The following DGKB variants were observed in gnomAD, a reference collection of about 807,000 sequenced individuals.
DGKB encodes 90 kDa diacylglycerol kinase.
A neutral mutation model predicts 114.3 loss-of-function variants in DGKB; 67 were observed. That is an observed-to-expected ratio of 0.59 (90% CI 0.48 to 0.72). The LOEUF (loss-of-function observed/expected upper bound fraction) is 0.72, where lower values mean the gene tolerates loss of function less well. Among genes scored for constraint, DGKB ranks in the 30% least tolerant of loss-of-function variants. The pLI, the probability that DGKB is intolerant of heterozygous loss-of-function variation, is 0.00. For synonymous variants in DGKB, 398 were observed against 323.1 expected, an observed-to-expected ratio of 1.23 and a Z score of -2.49; for missense variants, 907 against 975.2, an observed-to-expected ratio of 0.93 and a Z score of 0.93.
intron 21 of DGKB, among the ~76,000 whole-genome samples, chr7:14,430,564 C>T (rs569858336): frequency 6.6e-6 from 1 of 152,086 alleles, no homozygotes; most frequent in African/African-American, 2.4e-5. Context: ...TACAGAATCC[C>T]TCATGCCACA....
At chr7:14,285,451 A>C (rs1158267351) in intron 23 of DGKB, among the ~76,000 whole-genome samples, 1 of 152,192 alleles carries the variant, frequency 6.6e-6, no homozygotes, top group Non-Finnish European at 1.5e-5. Context: ...CATCTTTCTC[A>C]AGGCATTACA....
intron 23 of DGKB, among the ~76,000 whole-genome samples, chr7:14,307,930 T>C (rs975184006): frequency 4.6e-5 from 7 of 152,064 alleles, no homozygotes; most frequent in African/African-American, 1.4e-4. Flanking sequence ...CTAAAGATCT[T>C]ACTGGCTTAG....
chr7:14,785,875 T>G (rs1168598347), intron 2 of DGKB, among the ~76,000 whole-genome samples: 1 of 150,908 alleles, frequency 6.6e-6, no homozygotes, highest in East Asian at 1.9e-4. Flanking sequence ...TTTTCAGACA[T>G]TAAAGGAAGA....
intron 3 of DGKB, among the ~76,000 whole-genome samples, chr7:14,757,342 C>A (rs1562458063): frequency 6.6e-6 from 1 of 152,042 alleles, no homozygotes; most frequent in Non-Finnish European, 1.5e-5. Context: ...GATTCATATT[C>A]TTTCAAGCAT....
chr7:14,597,928 G>A (rs982550625), intron 17 of DGKB, among the ~76,000 whole-genome samples: 1 of 151,990 alleles, frequency 6.6e-6, no homozygotes, highest in African/African-American at 2.4e-5. Context: ...TAATTTATGT[G>A]AGCAATCAAT....
At chr7:14,181,149 T>A (rs1782578364) in intron 23 of DGKB, among the ~76,000 whole-genome samples, 1 of 152,190 alleles carries the variant, frequency 6.6e-6, no homozygotes, top group Non-Finnish European at 1.5e-5. Context: ...CACAGCCACA[T>A]TCACTGGTTT....
chr7:14,305,428 A>G (rs1046533912), intron 23 of DGKB, among the ~76,000 whole-genome samples: 8 of 152,256 alleles, frequency 5.3e-5, no homozygotes, highest in Admixed American at 3.9e-4. Flanking sequence ...TATTAAATAA[A>G]GGTCTAACAC....
At chr7:14,582,373 T>C (rs549198754) in intron 18 of DGKB, among the ~76,000 whole-genome samples, 2 of 152,154 alleles carry the variant, frequency 1.3e-5, no homozygotes, top group Non-Finnish European at 2.9e-5. Flanking sequence ...CTCAGTGATG[T>C]TCCTGTATTA....
At chr7:14,279,722 C>G (rs929834633) in intron 23 of DGKB, among the ~76,000 whole-genome samples, 8 of 151,910 alleles carry the variant, frequency 5.3e-5, no homozygotes, top group Non-Finnish European at 1.0e-4. Context: ...AGCAGCCTAA[C>G]TGGGAGGCAC....
chr7:14,634,423 T>C (rs1810336923), intron 13 of DGKB, among the ~76,000 whole-genome samples: 1 of 151,118 alleles, frequency 6.6e-6, no homozygotes. Flanking sequence ...AATAAAATTA[T>C]TTTAAAATAT....
chr7:14,469,500 A>G (rs1584185700), intron 21 of DGKB, among the ~76,000 whole-genome samples: 1 of 152,074 alleles, frequency 6.6e-6, no homozygotes, highest in African/African-American at 2.4e-5. Flanking sequence ...TCCCTTCTTT[A>G]TTCATCCTCC....
intron 23 of DGKB, among the ~76,000 whole-genome samples, chr7:14,276,355 A>T (rs1798987409): frequency 6.6e-6 from 1 of 152,200 alleles, no homozygotes; most frequent in African/African-American, 2.4e-5. Flanking sequence ...TTCTTTCAAA[A>T]AGTATTTTCT....
At chr7:14,819,519 G>A (rs10269735) in intron 2 of DGKB, among the ~76,000 whole-genome samples, 57 of 152,236 alleles carry the variant, frequency 3.7e-4, no homozygotes, top group African/African-American at 1.3e-3. Context: ...GAGCCTGGGA[G>A]GCGGAGGTTG....
At chr7:14,442,083 C>T (rs1266984968) in intron 21 of DGKB, among the ~76,000 whole-genome samples, 1 of 151,916 alleles carries the variant, frequency 6.6e-6, no homozygotes, top group East Asian at 1.9e-4. Context: ...TTCTTTGTAA[C>T]TTCTTTACTT....
intron 2 of DGKB, among the ~76,000 whole-genome samples, chr7:14,819,910 C>A (rs959251193): frequency 6.6e-6 from 1 of 152,076 alleles, no homozygotes; most frequent in South Asian, 2.1e-4. Flanking sequence ...ATTCCAGAGA[C>A]CAAGATTGGA....
At chr7:14,302,045 C>T (rs1304781661) in intron 23 of DGKB, among the ~76,000 whole-genome samples, 2 of 151,972 alleles carry the variant, frequency 1.3e-5, no homozygotes, top group Non-Finnish European at 2.9e-5. Flanking sequence ...AGAGCAAGGA[C>T]GATGAACAAA....
intron 1 of DGKB, among the ~76,000 whole-genome samples, chr7:14,958,356 C>A (rs1372503429): frequency 1.3e-5 from 2 of 150,686 alleles, no homozygotes; most frequent in Admixed American, 1.3e-4. Context: ...GAGTAGATGT[C>A]AGACAGTGAA....
At chr7:14,849,412 G>C (rs568364059) in intron 1 of DGKB, among the ~76,000 whole-genome samples, 9 of 152,068 alleles carry the variant, frequency 5.9e-5, no homozygotes, top group African/African-American at 2.2e-4. Flanking sequence ...CTTCTAGATG[G>C]GATTAATGCC....
At chr7:14,734,035 G>GTC (rs1471798334) in intron 5 of DGKB, among the ~76,000 whole-genome samples, 1 of 151,714 alleles carries the variant, frequency 6.6e-6, no homozygotes, top group Admixed American at 6.6e-5. Flanking sequence ...GTGTGTGTGT[G>GTC]TGTGTGTGTG....
Sources: gnomAD v4.1 joint callset for allele counts (sites outside exome capture counted in the v4.1 genomes callset) on GRCh38, gnomAD v4.1.1 for gene constraint, MANE v1.5 for transcripts, NCBI Gene and HGNC (gene_info 2026-07-23, HGNC 2026-07-21) for gene names.